EPB41: variants seen among roughly 807,000 people sequenced by gnomAD.
EPB41 encodes erythrocyte membrane protein band 4.1, also known as protein 4.1.
A neutral mutation model predicts 108.0 loss-of-function variants in EPB41; 65 were observed. That is an observed-to-expected ratio of 0.60 (90% CI 0.49 to 0.74). The LOEUF is 0.74. EPB41 is among the 30% of genes least tolerant of loss of function. The probability of loss-of-function intolerance (pLI) is 0.00; values close to 1 mark genes in which losing one functional copy is unlikely to be tolerated. For missense variants in EPB41, 875 were observed against 1,037.0 expected, an observed-to-expected ratio of 0.84 and a Z score of 2.15; for synonymous variants, 336 against 358.9, an observed-to-expected ratio of 0.94 and a Z score of 0.72.
upstream of EPB41, among the ~76,000 whole-genome samples, chr1:28,913,101 C>CT (rs2092342369): frequency 6.6e-6 from 1 of 152,112 alleles, no homozygotes; most frequent in Non-Finnish European, 1.5e-5. Context: ...CAGCCTCCCA[C>CT]TATAGGTGGG....
chr1:29,098,631 C>T (rs925873362), intron 17 of EPB41, among the ~76,000 whole-genome samples: 3 of 152,182 alleles, frequency 2.0e-5, no homozygotes, highest in Non-Finnish European at 4.4e-5. Flanking sequence ...GTCCTGGCTC[C>T]TCCACTTACT....
rs1272168395 is a variant in EPB41 at position 29,118,253 on chromosome 1, G to C, written c.*1441G>C. 6.6e-6 allele frequency: 1 copy of C among 152,026 alleles called. No individual in the cohort carries two copies. The highest frequency in any genetic ancestry group is 1.9e-4 in the East Asian group (1 of 5,180). The allele number at this position is 152,026 out of a possible 1,614,324, so 9.4% of individuals were successfully genotyped here. A position where few individuals can be genotyped will look rare whatever the true frequency, so the allele number is the denominator to read the frequency against. On this transcript the variant is annotated 3_prime_UTR_variant, in exon 21 of 21. Transcript: ENST00000343067. ...CTCCCAAGTAGCTGGGATGACAGGC[G>C]CACACCACCACGCCCAGCAAATTTT...
intron 19 of EPB41, among the ~76,000 whole-genome samples, chr1:29,114,993 C>T (rs139998114): frequency 6.6e-6 from 1 of 152,266 alleles, no homozygotes; most frequent in African/African-American, 2.4e-5. Flanking sequence ...CCTGAACTTG[C>T]CACTTACCCA....
At chr1:29,031,011 C>T (rs999793476) in intron 8 of EPB41, among the ~76,000 whole-genome samples, 13 of 151,912 alleles carry the variant, frequency 8.6e-5, no homozygotes, top group Non-Finnish European at 1.9e-4. Flanking sequence ...TTAGTAGAGA[C>T]GGGGTTTCAC....
chr1:28,912,459 G>C (rs1023212928), upstream of EPB41, among the ~76,000 whole-genome samples: 3 of 151,980 alleles, frequency 2.0e-5, no homozygotes, highest in South Asian at 6.2e-4. Context: ...AACAACAATT[G>C]CATGCTTAAC....
At chr1:29,061,412 G>C (rs1427109382) in intron 15 of EPB41, among the ~76,000 whole-genome samples, 1 of 151,950 alleles carries the variant, frequency 6.6e-6, no homozygotes, top group Non-Finnish European at 1.5e-5. Flanking sequence ...TGGGACTACA[G>C]GCGCCCGCCA....
At chr1:29,060,706 A>G (rs1482912603) in intron 15 of EPB41, among the ~76,000 whole-genome samples, 2 of 152,198 alleles carry the variant, frequency 1.3e-5, no homozygotes, top group African/African-American at 4.8e-5. Flanking sequence ...ACCTGGAAAA[A>G]TATATGATTG....
chr1:28,972,774 T>TC (rs1166122541), intron 1 of EPB41, among the ~76,000 whole-genome samples: 1 of 151,174 alleles, frequency 6.6e-6, no homozygotes, highest in Non-Finnish European at 1.5e-5. Flanking sequence ...TAATTTTTTT[T>TC]TTTTCCTTTA....
At chr1:29,048,362 G>T (rs1296262310) in intron 11 of EPB41, among the ~76,000 whole-genome samples, 1 of 151,912 alleles carries the variant, frequency 6.6e-6, no homozygotes, top group Non-Finnish European at 1.5e-5. Flanking sequence ...TTACAGGCAT[G>T]CACCACCACG....
chr1:29,109,052 GC>G (rs1309692599), intron 17 of EPB41, among the ~76,000 whole-genome samples: 2 of 151,916 alleles, frequency 1.3e-5, no homozygotes, highest in African/African-American at 2.4e-5. Context: ...TACAAAATTA[GC>G]CCGGTGTGGT....
intron 8 of EPB41, chr1:29,031,722 T>C (rs1252899763): frequency 6.6e-6 from 1 of 152,156 alleles, no homozygotes; most frequent in Non-Finnish European, 1.5e-5. Context: ...TTAATCCTAG[T>C]TCTACCTAAT....
intron 11 of EPB41, chr1:29,041,160 TAAATAAATAAATAAATA>T (rs1641400483): frequency 6.9e-6 from 1 of 145,920 alleles, no homozygotes; most frequent in African/African-American, 2.6e-5. Flanking sequence ...AATAAATAAA[TAAATAAATAAATAAATA>T]AATAAATAAA....
At chr1:28,992,719 T>C (rs1381671211) in intron 2 of EPB41, among the ~76,000 whole-genome samples, 1 of 152,154 alleles carries the variant, frequency 6.6e-6, no homozygotes, top group Non-Finnish European at 1.5e-5. Context: ...AATGTTATCC[T>C]ACTTATCGGT....
At chr1:28,903,299 G>A (rs2091472527) in intron 1 of EPB41, among the ~76,000 whole-genome samples, 1 of 151,310 alleles carries the variant, frequency 6.6e-6, no homozygotes, top group Admixed American at 6.6e-5. Context: ...TCACTTATCT[G>A]AGACTCTATT....
intron 16 of EPB41, among the ~76,000 whole-genome samples, chr1:29,090,389 A>G (rs779232441): frequency 2.6e-5 from 4 of 152,210 alleles, no homozygotes; most frequent in Non-Finnish European, 2.9e-5. Context: ...GAAGTTGAAG[A>G]TGATTCTCAG....
At position 28,887,304 on chromosome 1, in the gene EPB41, G is replaced by A; in HGVS notation, c.-8+94G>A. Reference sequence around the variant, plus strand: ...TACCCCCAAGGGCTCGGACCGTCCCGGGAGAGGCGAGACCAGGGTCGAAGG... The same window carrying A: ...TACCCCCAAGGGCTCGGACCGTCCCAGGAGAGGCGAGACCAGGGTCGAAGG... On this transcript the variant is annotated intron_variant, in intron 1 of 16. Coordinates refer to the EPB41 transcript ENST00000347529. This position sits in a 1 kb window ranked among gnomAD's most constrained non-coding sequence, Gnocchi z 4.9. The A allele has an allele frequency of 1.6e-6, 2 of 1,215,312 alleles. No individual in the cohort carries two copies. The highest frequency in any genetic ancestry group is 1.4e-5 in the South Asian group (1 of 71,786). The allele number at this position is 1,215,312 out of a possible 1,614,324, so 75.3% of individuals were successfully genotyped here.
chr1:28,901,273 G>A (rs576167652), intron 1 of EPB41, among the ~76,000 whole-genome samples: 1 of 138,864 alleles, frequency 7.2e-6, no homozygotes, highest in Admixed American at 7.7e-5. Flanking sequence ...TCGCCAGGCT[G>A]GAGTGCAGTG....
At chr1:28,956,593 A>T (rs1161450151) in intron 1 of EPB41, among the ~76,000 whole-genome samples, 6 of 151,918 alleles carry the variant, frequency 3.9e-5, no homozygotes, top group Non-Finnish European at 8.8e-5. Context: ...ACTCAGTATT[A>T]TATTATAGCC....
At chr1:28,994,649 ATT>A (rs2096120232) in intron 3 of EPB41, among the ~76,000 whole-genome samples, 3 of 148,660 alleles carry the variant, frequency 2.0e-5, no homozygotes, top group Non-Finnish European at 3.0e-5. Flanking sequence ...TTATTTATTT[ATT>A]TATTTATTTA....
Sources: allele counts gnomAD v4.1 joint callset (sites outside exome capture counted in the v4.1 genomes callset), GRCh38; gene constraint gnomAD v4.1.1; non-coding constraint Gnocchi (gnomAD v3.1); transcripts MANE v1.5; gene names NCBI Gene and HGNC (gene_info 2026-07-23, HGNC 2026-07-21).